Variants in SFT2D2 observed in about 807,000 individuals in gnomAD.
The protein encoded by SFT2D2 is vesicle transport protein SFT2B.
A neutral mutation model predicts 27.4 loss-of-function variants in SFT2D2; 21 were observed. The ratio of observed to expected loss-of-function variants is 0.77; its 90% CI spans 0.54 to 1.10. The LOEUF is 1.10. Among genes scored for constraint, SFT2D2 ranks in the 50% least tolerant of loss-of-function variants. The pLI, the probability that SFT2D2 is intolerant of heterozygous loss-of-function variation, is 0.00. For missense variants in SFT2D2, 187 were observed against 194.2 expected (o/e 0.96, Z 0.22); for synonymous variants, 72 against 71.7 (o/e 1.00, Z -0.02).
chr1:168,233,646 G>A (rs552790346), intron 3 of SFT2D2, among the ~76,000 whole-genome samples: 1 of 152,290 alleles, frequency 6.6e-6, no homozygotes, highest in East Asian at 1.9e-4. Context: ...CTTTGGGTGG[G>A]GGGGTGTTTT....
At chr1:168,237,220 A>G (rs1647527603) in intron 6 of SFT2D2, among the ~76,000 whole-genome samples, 2 of 152,234 alleles carry the variant, frequency 1.3e-5, no homozygotes, top group Non-Finnish European at 1.5e-5. Flanking sequence ...ACAGAAGGAC[A>G]AAGAGTGAAC....
At chr1:168,232,688 T>C (rs1365360012) in intron 3 of SFT2D2, among the ~76,000 whole-genome samples, 2 of 152,214 alleles carry the variant, frequency 1.3e-5, no homozygotes, top group Non-Finnish European at 2.9e-5. Context: ...CTTCACTGAC[T>C]GACTTGCATG....
chr1:168,241,381 T>G (rs970188214), intron 7 of SFT2D2, among the ~76,000 whole-genome samples: 1 of 151,682 alleles, frequency 6.6e-6, no homozygotes, highest in African/African-American at 2.4e-5. Flanking sequence ...TTAGTAGAGA[T>G]GGGGTTTCAC....
intron 6 of SFT2D2, among the ~76,000 whole-genome samples, chr1:168,237,837 G>GTT (rs745841122): frequency 8.3e-6 from 1 of 121,120 alleles, no homozygotes; most frequent in Non-Finnish European, 2.0e-5. Context: ...TGGTGTTTGT[G>GTT]TTTATGTGTG....
chr1:168,234,641 T>G (rs1376743706), intron 3 of SFT2D2, among the ~76,000 whole-genome samples: 1 of 152,146 alleles, frequency 6.6e-6, no homozygotes, highest in Admixed American at 6.5e-5. Context: ...CCCTGAAGAT[T>G]ATGAAAGAAA....
At chr1:168,232,433 C>T (rs1258742997) in intron 3 of SFT2D2, among the ~76,000 whole-genome samples, 1 of 152,244 alleles carries the variant, frequency 6.6e-6, no homozygotes, top group Non-Finnish European at 1.5e-5. Context: ...CACACTGATG[C>T]TTCAGTCACA....
At chr1:168,227,526 A>T (rs184041383) in intron 1 of SFT2D2, among the ~76,000 whole-genome samples, 29 of 152,290 alleles carry the variant, frequency 1.9e-4, no homozygotes, top group African/African-American at 6.3e-4. Context: ...CGAATGTTGG[A>T]GTCACTGAAA....
intron 1 of SFT2D2, chr1:168,229,763 T>C (rs1366178954): frequency 1.3e-5 from 2 of 151,264 alleles, no homozygotes; most frequent in East Asian, 3.8e-4. Flanking sequence ...CTTCTCATTT[T>C]ATTCTGTCCT....
In SFT2D2 at chr1:168,235,084, G is replaced by C; in HGVS notation, c.237-17G>C. 2 of 1,612,964 alleles carry C rather than the reference G, an allele frequency of 1.2e-6. No homozygotes were observed. Among genetic ancestry groups the C allele is most frequent in the Non-Finnish European group, 1.7e-6 (2 of 1,179,188 alleles). On this transcript the variant is annotated splice_polypyrimidine_tract_variant and intron_variant, in intron 3 of 7. Transcript: ENST00000271375. ...GTTCTGTTCTGAACGGCTTGTGTGCGTGTGTTTGCCTTTTAGTACCATCTT... is the reference window on the plus strand; with the variant it reads ...GTTCTGTTCTGAACGGCTTGTGTGCCTGTGTTTGCCTTTTAGTACCATCTT...
chr1:168,230,205 G>C (rs1042372114), intron 1 of SFT2D2, among the ~76,000 whole-genome samples: 4 of 152,156 alleles, frequency 2.6e-5, no homozygotes, highest in African/African-American at 9.7e-5. Context: ...GGTAGTCAAG[G>C]CTGACGGAGT....
intron 1 of SFT2D2, among the ~76,000 whole-genome samples, chr1:168,228,364 C>A (rs1251887148): frequency 6.6e-6 from 1 of 152,138 alleles, no homozygotes; most frequent in Non-Finnish European, 1.5e-5. Flanking sequence ...TTTAAGAGGT[C>A]ACTAGAAGAG....
At position 168,245,966 on chromosome 1, in the gene SFT2D2, A is replaced by G. The variant is rs556765806; in HGVS notation, c.*3426A>G. The G allele has an allele frequency of 1.2e-5, 2 of 169,002 alleles. No individual in the cohort carries two copies. Among genetic ancestry groups the G allele is most frequent in the African/African-American group, 4.8e-5 (2 of 41,640 alleles). 10.5% of individuals were successfully genotyped at this position (169,002 alleles called of 1,614,324 possible). ...GTTGATTCCATTTTTCTTGAAATTG[A>G]ATTCTCATCTGACCTAATTTCTTCC... On this transcript the variant is annotated 3_prime_UTR_variant, in exon 8 of 8. Coordinates refer to ENST00000271375, the MANE Select transcript of SFT2D2 (RefSeq NM_199344.3).
intron 1 of SFT2D2, among the ~76,000 whole-genome samples, chr1:168,227,554 T>C (rs1700474728): frequency 6.6e-6 from 1 of 152,238 alleles, no homozygotes; most frequent in South Asian, 2.1e-4. Context: ...TTTTGATATT[T>C]CAAAACAAGT....
intron 1 of SFT2D2, among the ~76,000 whole-genome samples, chr1:168,230,475 T>A (rs945901098): frequency 1.3e-5 from 2 of 152,122 alleles, no homozygotes; most frequent in Non-Finnish European, 2.9e-5. Context: ...GCAAAAACTT[T>A]GATGTCATTT....
chr1:168,226,006 C>G lies in SFT2D2; in HGVS notation c.-74C>G. 7.3e-7 allele frequency: 1 copy of G among 1,378,980 alleles called. No homozygotes were observed. The highest frequency in any genetic ancestry group is 9.6e-7 in the Non-Finnish European group (1 of 1,044,156). The allele number at this position is 1,378,980 out of a possible 1,614,324, so 85.4% of individuals were successfully genotyped here. On this transcript the variant is annotated 5_prime_UTR_variant, in exon 1 of 8. Coordinates refer to ENST00000271375, the MANE Select transcript of SFT2D2 (RefSeq NM_199344.3). ...GGGCGGCTGGGCGGCTGCCTAGCAC[C>G]CGGAAGAGCCGTCAACTTAGCGAGC...
Position 168,226,087 on chromosome 1 carries a change from A to G in SFT2D2, c.8A>G (p.Lys3Arg). 1 of 1,534,340 alleles carries G rather than the reference A, an allele frequency of 6.5e-7. No individual in the cohort carries two copies. The highest frequency in any genetic ancestry group is 8.8e-7 in the Non-Finnish European group (1 of 1,139,640). The change falls in exon 1 of 8, where the codon AAG becomes AGG. Residue 3 changes from lysine (K) to arginine (R), a missense_variant. Physicochemically the swap from Lys to Arg is conservative, Grantham distance 26. Transcript: ENST00000271375. ...GGTGGGGACTGGGCCGCAATGGACA[A>G]GCTGAAGAAGGTGCTGAGCGGGCAG... The part of the protein sequence containing the change: MD[K>R]LKKVLSGQDT...
intron 4 of SFT2D2, among the ~76,000 whole-genome samples, chr1:168,235,843 G>T (rs965533954): frequency 1.3e-5 from 2 of 152,186 alleles, no homozygotes; most frequent in African/African-American, 4.8e-5. Flanking sequence ...GGAACTTGAA[G>T]AACATACTTT....
In SFT2D2 at chr1:168,244,993, G is replaced by A. The variant is rs1647771364; in HGVS notation, c.*2453G>A. The A allele has an allele frequency of 6.6e-6, 1 of 152,146 alleles. No individual in the cohort carries two copies. Among genetic ancestry groups the A allele is most frequent in the South Asian group, 2.1e-4 (1 of 4,822 alleles). The allele number at this position is 152,146 out of a possible 1,614,324, so 9.4% of individuals were successfully genotyped here. On this transcript the variant is annotated 3_prime_UTR_variant, in exon 8 of 8. Coordinates refer to ENST00000271375, the MANE Select transcript of SFT2D2 (RefSeq NM_199344.3). ...CTAACATCCTATGTAATGATGAAAG[G>A]CTGAATGTTTTCCCCTAAGATTGAG...
chr1:168,229,824 G>A (rs1271921356), intron 1 of SFT2D2: 1 of 152,044 alleles, frequency 6.6e-6, no homozygotes, highest in Non-Finnish European at 1.5e-5. Flanking sequence ...AGATTGTCTG[G>A]GGCCTTGTAA....
Sources: gnomAD v4.1 joint callset for allele counts (sites outside exome capture counted in the v4.1 genomes callset) on GRCh38, gnomAD v4.1.1 for gene constraint, MANE v1.5 for transcripts, NCBI Gene and HGNC (gene_info 2026-07-23, HGNC 2026-07-21) for gene names.